IL23R: variants seen among roughly 807,000 people sequenced by gnomAD.
IL23R encodes the protein interleukin-23 receptor.
IL23R carries 34 observed loss-of-function variants against 56.9 expected under a neutral mutation model. The observed-to-expected ratio is 0.60, with a 90% confidence interval of 0.45 to 0.80. The LOEUF (loss-of-function observed/expected upper bound fraction) is 0.80, where lower values mean the gene tolerates loss of function less well. Among genes scored for constraint, IL23R ranks in the 30% least tolerant of loss-of-function variants. The probability of loss-of-function intolerance (pLI) is 0.00; values close to 1 mark genes in which losing one functional copy is unlikely to be tolerated. For missense variants in IL23R, 635 were observed against 730.0 expected, an observed-to-expected ratio of 0.87 and a Z score of 1.50; for synonymous variants, 230 against 249.2, an observed-to-expected ratio of 0.92 and a Z score of 0.73.
chr1:67,256,816 C>T (rs946387239), intron 10 of IL23R, among the ~76,000 whole-genome samples: 1 of 152,120 alleles, frequency 6.6e-6, no homozygotes, highest in African/African-American at 2.4e-5. Flanking sequence ...TCTGGTAAGC[C>T]TATTAGCTAA....
the IL23R span, among the ~76,000 whole-genome samples, chr1:67,265,560 A>T: frequency 1.3e-5 from 2 of 152,226 alleles, no homozygotes; most frequent in East Asian, 3.8e-4. Flanking sequence ...TTTCAATAAT[A>T]TATTAACCTA....
chr1:67,167,257 G>C (rs778275576), intron 1 of IL23R, among the ~76,000 whole-genome samples: 2 of 152,098 alleles, frequency 1.3e-5, no homozygotes, highest in African/African-American at 2.4e-5. Flanking sequence ...TTTTAGTAGG[G>C]ACAGGGTTTC....
At chr1:67,256,547 G>A (rs533469512) in intron 10 of IL23R, among the ~76,000 whole-genome samples, 3 of 152,158 alleles carry the variant, frequency 2.0e-5, no homozygotes, top group Non-Finnish European at 2.9e-5. Context: ...TGGCCCTCGG[G>A]ATTGGCTGTC....
intron 5 of IL23R, among the ~76,000 whole-genome samples, chr1:67,205,097 T>C (rs1285482588): frequency 1.3e-5 from 2 of 152,182 alleles, no homozygotes; most frequent in Non-Finnish European, 2.9e-5. Context: ...CTGATTCTTA[T>C]TACAAGAAGC....
chr1:67,158,622 G>A (rs930843829), intron 1 of IL23R, among the ~76,000 whole-genome samples: 6 of 152,152 alleles, frequency 3.9e-5, no homozygotes, highest in South Asian at 2.1e-4. Flanking sequence ...GCTGGTGGGC[G>A]TGTCTTATGG....
intron 1 of IL23R, among the ~76,000 whole-genome samples, chr1:67,160,134 T>C (rs1646805643): frequency 6.6e-6 from 1 of 152,186 alleles, no homozygotes; most frequent in Non-Finnish European, 1.5e-5. Flanking sequence ...ATTACAGGCA[T>C]GAGCCACCGC....
At chr1:67,165,730 G>A (rs1047880210), upstream of IL23R, among the ~76,000 whole-genome samples, 15 of 152,282 alleles carry the variant, frequency 9.9e-5, no homozygotes, top group East Asian at 2.5e-3. Flanking sequence ...CAAATACTGC[G>A]TGATCTCACT....
At chr1:67,233,813 G>T (rs545068897) in intron 7 of IL23R, among the ~76,000 whole-genome samples, 71 of 151,088 alleles carry the variant, frequency 4.7e-4, no homozygotes, top group Non-Finnish European at 8.7e-4. Flanking sequence ...CATTATGGAC[G>T]TAACACCACA....
chr1:67,252,813 AAAAAAAG>A (rs750424864), intron 9 of IL23R, among the ~76,000 whole-genome samples: 38 of 140,678 alleles, frequency 2.7e-4, no homozygotes, highest in Non-Finnish European at 3.9e-4. Context: ...ACAAAAAAAA[AAAAAAAG>A]AGAGAAGTGA....
In IL23R at chr1:67,193,673, T is replaced by C. The variant is rs144330767; in HGVS notation, c.492-7064T>C. Among the ~76,000 whole-genome samples the C allele has an allele frequency of 2.9e-3, 442 of 152,332 alleles. 1 individual carries two copies. The highest frequency in any genetic ancestry group is 0.01 in the African/African-American group (418 of 41,578). On this transcript the variant is annotated intron_variant, in intron 4 of 10. Coordinates refer to ENST00000347310, the MANE Select transcript of IL23R (RefSeq NM_144701.3). ...TCAAAAACTTTGTAATATACAGTTA[T>C]GTAAAAGATAGAGGAAAAACCAAAG... is the stretch of plus-strand genomic sequence containing the variant.
intron 6 of IL23R, among the ~76,000 whole-genome samples, chr1:67,208,502 G>C (rs1440693456): frequency 1.3e-5 from 2 of 152,184 alleles, no homozygotes; most frequent in Non-Finnish European, 2.9e-5. Flanking sequence ...TGTCCCAGCT[G>C]CTCCAACCAT....
chr1:67,220,117 C>G (rs547630118), intron 7 of IL23R, among the ~76,000 whole-genome samples: 1 of 152,146 alleles, frequency 6.6e-6, no homozygotes, highest in Admixed American at 6.6e-5. Flanking sequence ...GTCTGTAATC[C>G]CAGCACTTTG....
chr1:67,258,956 T>G lies in IL23R; in HGVS notation c.1718T>G (p.Met573Arg). 1 of 1,614,134 alleles carries G rather than the reference T, an allele frequency of 6.2e-7. No individual in the cohort carries two copies. Among genetic ancestry groups the G allele is most frequent in the African/African-American group, 1.3e-5 (1 of 75,056 alleles). ...IQNSVEEETT[M>R]LLENDSPSET... ...AACTCAGTAGAGGAGGAAACCACCA[T>G]GCTTTTGGAAAATGATTCACCCAGT... Residue 573 changes from methionine to arginine, a missense_variant, in exon 11 of 11, where the codon ATG becomes AGG. Transcript: ENST00000347310.
At chr1:67,157,260 C>T (rs564128493) in intron 1 of IL23R, among the ~76,000 whole-genome samples, 15 of 152,306 alleles carry the variant, frequency 9.8e-5, no homozygotes, top group Admixed American at 7.8e-4. Context: ...GGCCCCTCCC[C>T]GTATTTCAAA....
At chr1:67,198,671 G>A (rs1020161203) in intron 4 of IL23R, among the ~76,000 whole-genome samples, 8 of 152,144 alleles carry the variant, frequency 5.3e-5, no homozygotes, top group Admixed American at 4.6e-4. Context: ...TGGGTTGGGC[G>A]AGGTGGCTCA....
chr1:67,154,176 A>C (rs1331807856), intron 1 of IL23R, among the ~76,000 whole-genome samples: 1 of 152,182 alleles, frequency 6.6e-6, no homozygotes, highest in Non-Finnish European at 1.5e-5. Flanking sequence ...TTTACTTCCA[A>C]TTATGTGGTC....
chr1:67,246,376 C>G (rs941380447), intron 9 of IL23R, among the ~76,000 whole-genome samples: 2 of 152,088 alleles, frequency 1.3e-5, no homozygotes, highest in African/African-American at 2.4e-5. Context: ...TTTGCTCTTG[C>G]TTCTCTAATT....
rs1651366469 is a variant in IL23R at position 67,234,880 on chromosome 1, G to T, written c.956-1833G>T. Among the ~76,000 whole-genome samples, 4 of 151,732 alleles carry T rather than the reference G, an allele frequency of 2.6e-5. No individual in the cohort carries two copies. The South Asian group carries it at 8.3e-4, about 32-fold the overall frequency. On this transcript the variant is annotated intron_variant, in intron 7 of 10. Transcript: ENST00000347310. ...CTGCCACCATGCCTGGCTAATTTTT[G>T]TATTTTTAGTAGAGATGGGGTTTCA...
At chr1:67,206,606 G>A (rs1649082555) in intron 5 of IL23R, among the ~76,000 whole-genome samples, 1 of 151,740 alleles carries the variant, frequency 6.6e-6, no homozygotes, top group Admixed American at 6.6e-5. Flanking sequence ...AACAAGGCTA[G>A]GCTCTGGAAT....
Sources: allele counts gnomAD v4.1 joint callset (sites outside exome capture counted in the v4.1 genomes callset), GRCh38; gene constraint gnomAD v4.1.1; transcripts MANE v1.5; gene names NCBI Gene and HGNC (gene_info 2026-07-23, HGNC 2026-07-21).